SLC35E4: variants seen among roughly 807,000 people sequenced by gnomAD.
The protein encoded by SLC35E4 is solute carrier family 35, member E4.
SLC35E4 carries 15 observed loss-of-function variants against 19.3 expected under a neutral mutation model. That is an observed-to-expected ratio of 0.78 (90% CI 0.52 to 1.20). SLC35E4 has a LOEUF of 1.20. Ranked by LOEUF, SLC35E4 falls within the 50% of genes most tolerant of loss-of-function variation. SLC35E4 has a pLI of 0.00. For synonymous variants in SLC35E4, 219 were observed against 219.9 expected (o/e 1.00, Z 0.04); for missense variants, 406 against 472.3 (o/e 0.86, Z 1.30).
intron 1 of SLC35E4, among the ~76,000 whole-genome samples, chr22:30,640,038 A>G (rs893716703): frequency 6.6e-6 from 1 of 152,172 alleles, no homozygotes; most frequent in Non-Finnish European, 1.5e-5. Flanking sequence ...CAAAAGTATT[A>G]ATTTGGGAAA....
At chr22:30,638,671 G>A (rs919292390) in intron 1 of SLC35E4, among the ~76,000 whole-genome samples, 10 of 141,802 alleles carry the variant, frequency 7.1e-5, no homozygotes, top group African/African-American at 2.5e-4. Context: ...AATTAGCTGA[G>A]CGTGATGGTG....
chr22:30,649,706 G>A (rs1470479087), downstream of SLC35E4, among the ~76,000 whole-genome samples: 1 of 149,714 alleles, frequency 6.7e-6, no homozygotes, highest in Non-Finnish European at 1.5e-5. Context: ...GCAGGATGGA[G>A]GGATGGATGG....
downstream of SLC35E4, among the ~76,000 whole-genome samples, chr22:30,650,452 C>T (rs1199467123): frequency 1.3e-5 from 2 of 152,124 alleles, no homozygotes; most frequent in Non-Finnish European, 2.9e-5. Flanking sequence ...GCCAAGATTA[C>T]GCCACTGCAC....
At chr22:30,668,302 C>G (rs1200556650) in exon 3 of SLC35E4, 1 of 152,324 alleles carries the variant, frequency 6.6e-6, no homozygotes, top group East Asian at 1.9e-4. Context: ...TGGTGCTCTT[C>G]AGGTGCGGCC....
intron 1 of SLC35E4, among the ~76,000 whole-genome samples, chr22:30,642,705 T>C (rs1602074960): frequency 8.5e-6 from 1 of 118,010 alleles, no homozygotes; most frequent in Non-Finnish European, 1.7e-5. Context: ...ATCACACCAT[T>C]GCACTCTAGC....
chr22:30,640,548 A>T (rs2088020858), intron 1 of SLC35E4, among the ~76,000 whole-genome samples: 1 of 152,120 alleles, frequency 6.6e-6, no homozygotes, highest in South Asian at 2.1e-4. Flanking sequence ...CCACTAGATC[A>T]TTCTGCCTGA....
intron 1 of SLC35E4, among the ~76,000 whole-genome samples, chr22:30,641,882 C>T (rs527739775): frequency 2.0e-5 from 3 of 151,998 alleles, no homozygotes; most frequent in South Asian, 2.1e-4. Context: ...CTCTGACAGG[C>T]GAGCTGATCT....
intron 2 of SLC35E4, chr22:30,661,672 G>A (rs562602773): frequency 6.6e-6 from 1 of 152,306 alleles, no homozygotes; most frequent in African/African-American, 2.4e-5. Flanking sequence ...GAGCAGCTGT[G>A]CTTTTGTTTC....
intron 2 of SLC35E4, among the ~76,000 whole-genome samples, chr22:30,657,253 G>A (rs1602093404): frequency 1.3e-5 from 2 of 148,402 alleles, no homozygotes; most frequent in African/African-American, 2.5e-5. Context: ...TGGCCAACAC[G>A]GTGAAACCCT....
downstream of SLC35E4, chr22:30,664,097 G>A (rs2088570215): frequency 8.5e-7 from 1 of 1,169,822 alleles, no homozygotes; most frequent in Non-Finnish European, 1.2e-6. Flanking sequence ...AGAGGGAGAG[G>A]ATGTTTAGAG....
chr22:30,653,159 T>G (rs1424214856), intron 2 of SLC35E4, among the ~76,000 whole-genome samples: 7 of 152,148 alleles, frequency 4.6e-5, no homozygotes. Context: ...CTGCCTTCTG[T>G]GCTCCCCACC....
In SLC35E4 at chr22:30,647,234, C is replaced by T; in HGVS notation, c.*203C>T. 1.6e-6 allele frequency: 1 copy of T among 635,010 alleles called. No homozygotes were observed. Among genetic ancestry groups the T allele is most frequent in the Non-Finnish European group, 2.6e-6 (1 of 380,194 alleles). The allele number at this position is 635,010 out of a possible 1,614,324, so 39.3% of individuals were successfully genotyped here. A position where few individuals can be genotyped will look rare whatever the true frequency, so the allele number is the denominator to read the frequency against. On this transcript the variant is annotated 3_prime_UTR_variant, in exon 2 of 2. Coordinates refer to ENST00000343605, the MANE Select transcript of SLC35E4 (RefSeq NM_001001479.4). ...CTAACATGGCAAAACCTCATCTCTA[C>T]TAAAAATAGAAAAATTAGCTGGGCA...
exon 3 of SLC35E4, chr22:30,663,198 C>T (rs1249559935): frequency 7.9e-6 from 4 of 504,858 alleles, no homozygotes; most frequent in African/African-American, 1.9e-5. Flanking sequence ...CTCAACCTAT[C>T]CCCTGGCCAG....
chr22:30,655,438 A>G (rs1441951411), intron 2 of SLC35E4, among the ~76,000 whole-genome samples: 6 of 151,416 alleles, frequency 4.0e-5, no homozygotes, highest in Non-Finnish European at 5.9e-5. Flanking sequence ...CCAAAAAAAA[A>G]AAAAAAAAAA....
At chr22:30,641,358 G>T (rs1242198147) in intron 1 of SLC35E4, among the ~76,000 whole-genome samples, 1 of 152,126 alleles carries the variant, frequency 6.6e-6, no homozygotes. Context: ...GGGAGGTTGA[G>T]TCCTTGCTCT....
At chr22:30,664,170 A>G (rs1273888762), downstream of SLC35E4, 2 of 642,148 alleles carry the variant, frequency 3.1e-6, no homozygotes, top group Non-Finnish European at 5.5e-6. Flanking sequence ...GGCTTATAGC[A>G]TTCCCCAAGG....
chr22:30,657,138 T>C (rs2088353576), intron 2 of SLC35E4, among the ~76,000 whole-genome samples: 1 of 152,086 alleles, frequency 6.6e-6, no homozygotes, highest in Non-Finnish European at 1.5e-5. Flanking sequence ...AATAAGCATG[T>C]AAGATAAATT....
At chr22:30,637,096 A>G in intron 1 of SLC35E4, 27 bp downstream of exon 1, 1 of 1,541,062 alleles carries the variant, frequency 6.5e-7, no homozygotes, top group Non-Finnish European at 8.8e-7. Context: ...CCAATTGAGA[A>G]GGTGGGGGTC....
At chr22:30,652,007 G>A (rs1408633594), downstream of SLC35E4, 3 of 152,182 alleles carry the variant, frequency 2.0e-5, no homozygotes, top group Non-Finnish European at 4.4e-5. Context: ...TATCAAGACA[G>A]GGGAACTGCA....
Sources: gnomAD v4.1 joint callset for allele counts (sites outside exome capture counted in the v4.1 genomes callset) on GRCh38, gnomAD v4.1.1 for gene constraint, MANE v1.5 for transcripts, NCBI Gene and HGNC (gene_info 2026-07-23, HGNC 2026-07-21) for gene names.